Variants in CSMD1 observed in about 807,000 individuals in gnomAD.
CSMD1 encodes the protein CUB and Sushi multiple domains 1.
A neutral mutation model predicts 417.5 loss-of-function variants in CSMD1; 213 were observed. The observed-to-expected ratio is 0.51, with a 90% confidence interval of 0.46 to 0.57. The LOEUF is 0.57. Ranked by LOEUF, CSMD1 falls within the 20% of genes least tolerant of loss-of-function variation. CSMD1 has a pLI of 0.00. For synonymous variants in CSMD1, 2,862 were observed against 1,736.8 expected (o/e 1.65, Z -16.11); for missense variants, 6,923 against 4,529.7 (o/e 1.53, Z -15.17).
chr8:4,255,400 G>T (rs1050156456), intron 3 of CSMD1, among the ~76,000 whole-genome samples: 1 of 152,134 alleles, frequency 6.6e-6, no homozygotes, highest in East Asian at 1.9e-4. Flanking sequence ...TAAAGAGGAC[G>T]CAATATGCAA....
At chr8:3,351,336 C>T (rs936170825) in intron 21 of CSMD1, among the ~76,000 whole-genome samples, 11 of 151,988 alleles carry the variant, frequency 7.2e-5, no homozygotes, top group South Asian at 2.1e-4. Flanking sequence ...CTTGGCCAGG[C>T]GTGGTGACCC....
intron 23 of CSMD1, 108 bp downstream of exon 23, chr8:3,343,186 C>A: frequency 1.1e-6 from 1 of 914,700 alleles, no homozygotes; most frequent in Non-Finnish European, 1.7e-6. Context: ...ATCAAAAACA[C>A]AGTAGGCAGC....
chr8:4,916,115 G>C (rs1033733760), intron 1 of CSMD1, among the ~76,000 whole-genome samples: 1 of 152,186 alleles, frequency 6.6e-6, no homozygotes, highest in Non-Finnish European at 1.5e-5. Flanking sequence ...GCTTCAGCAG[G>C]AGTCTGATGA....
intron 1 of CSMD1, among the ~76,000 whole-genome samples, chr8:4,682,849 C>A (rs1444222280): frequency 6.7e-6 from 1 of 150,072 alleles, no homozygotes; most frequent in African/African-American, 2.4e-5. Flanking sequence ...ATGTTTTTAT[C>A]CAAAGACTAC....
intron 23 of CSMD1, among the ~76,000 whole-genome samples, chr8:3,341,858 G>A (rs1298137646): frequency 6.6e-6 from 1 of 152,062 alleles, no homozygotes; most frequent in Non-Finnish European, 1.5e-5. Context: ...AAGGAAGCGG[G>A]GATGAAGACA....
intron 46 of CSMD1, among the ~76,000 whole-genome samples, chr8:3,103,739 CTTTTT>C (rs35949402): frequency 1.6e-5 from 2 of 124,162 alleles, no homozygotes; most frequent in African/African-American, 5.6e-5. Flanking sequence ...AATCAAATTC[CTTTTT>C]TTTTTAAAAA....
rs967482811 is a variant in CSMD1 at position 4,231,890 on chromosome 8, G to T, written c.415+188063C>A. ...AAACACATCAACTCCTAATACTTGT[G>T]TTTTACTAAAATTTCTGAATCTCAT... On this transcript the variant is annotated intron_variant, in intron 3 of 69. Transcript: ENST00000635120. Among the ~76,000 whole-genome samples, 34 of 151,962 alleles carry T rather than the reference G, an allele frequency of 2.2e-4. 1 individual carries two copies. The highest frequency in any genetic ancestry group is 2.2e-3 in the Admixed American group (34 of 15,240).
chr8:2,940,974 A>C (rs1801831250), intron 69 of CSMD1, among the ~76,000 whole-genome samples: 1 of 152,204 alleles, frequency 6.6e-6, no homozygotes, highest in Non-Finnish European at 1.5e-5. Context: ...TTAAGAAGAG[A>C]AGCTCATCTG....
chr8:3,636,259 C>T (rs992120651), intron 7 of CSMD1, among the ~76,000 whole-genome samples: 19 of 152,162 alleles, frequency 1.2e-4, no homozygotes, highest in Non-Finnish European at 2.6e-4. Flanking sequence ...GACAACGATG[C>T]CTTCTTCTGG....
chr8:4,228,815 C>A (rs1318526250), intron 3 of CSMD1, among the ~76,000 whole-genome samples: 1 of 151,992 alleles, frequency 6.6e-6, no homozygotes, highest in African/African-American at 2.4e-5. Flanking sequence ...TCCCAAGTAG[C>A]TGGGACTTCA....
intron 5 of CSMD1, among the ~76,000 whole-genome samples, chr8:3,764,472 G>C (rs1798164556): frequency 6.6e-6 from 1 of 152,150 alleles, no homozygotes; most frequent in African/African-American, 2.4e-5. Context: ...AGTGAGTAGA[G>C]GCACCCACAA....
rs1563199349 is a variant in CSMD1, at chr8:3,262,186, T to TATATAC, written c.4153+21957_4153+21958insGTATAT. Among the ~76,000 whole-genome samples, 74 of 33,894 alleles carry TATATAC rather than the reference T, an allele frequency of 2.2e-3. 3 individuals are homozygous for TATATAC. Among genetic ancestry groups the TATATAC allele is most frequent in the African/African-American group, 7.5e-3 (65 of 8,704 alleles). 22.2% of individuals were successfully genotyped at this position (33,894 alleles called of 152,430 possible). ...ATTTCTAAAATTATGCTCATATGAA[T>TATATAC]ATATATATATATATATATATATATA... On this transcript the variant is annotated intron_variant, in intron 26 of 69. Coordinates refer to ENST00000635120, the MANE Select transcript of CSMD1 (RefSeq NM_033225.6).
intron 7 of CSMD1, among the ~76,000 whole-genome samples, chr8:3,677,393 C>T (rs1463779721): frequency 6.6e-6 from 1 of 152,092 alleles, no homozygotes; most frequent in Admixed American, 6.5e-5. Context: ...AGAAAACATA[C>T]CCAGTTCAAG....
At chr8:3,534,864 C>A (rs905795761) in intron 10 of CSMD1, among the ~76,000 whole-genome samples, 1 of 152,224 alleles carries the variant, frequency 6.6e-6, no homozygotes, top group Non-Finnish European at 1.5e-5. Context: ...ATGTATTCAT[C>A]AACCATCTGG....
chr8:3,183,947 A>C (rs1013155844), intron 36 of CSMD1, among the ~76,000 whole-genome samples: 1 of 152,170 alleles, frequency 6.6e-6, no homozygotes, highest in Non-Finnish European at 1.5e-5. Context: ...ATCTTTTCCT[A>C]ATTCAATGCA....
At chr8:3,796,598 T>C (rs1421511082) in intron 5 of CSMD1, among the ~76,000 whole-genome samples, 1 of 147,228 alleles carries the variant, frequency 6.8e-6, no homozygotes, top group Admixed American at 6.9e-5. Context: ...TAGATATATA[T>C]CTATAATGTA....
chr8:4,367,517 G>A (rs1802149436), intron 3 of CSMD1, among the ~76,000 whole-genome samples: 1 of 152,068 alleles, frequency 6.6e-6, no homozygotes. Flanking sequence ...TGTTCCTTTT[G>A]CTCAGGACTG....
chr8:3,285,161 G>C (rs1027043511), intron 25 of CSMD1, among the ~76,000 whole-genome samples: 1 of 152,138 alleles, frequency 6.6e-6, no homozygotes, highest in Non-Finnish European at 1.5e-5. Context: ...CCGATTACAA[G>C]GGAGGTAAAG....
intron 7 of CSMD1, among the ~76,000 whole-genome samples, chr8:3,707,598 G>A (rs1384409389): frequency 1.3e-5 from 2 of 152,218 alleles, no homozygotes; most frequent in African/African-American, 4.8e-5. Context: ...CCTCAGTGAA[G>A]CTGGTACCCA....
Sources: allele counts gnomAD v4.1 joint callset (sites outside exome capture counted in the v4.1 genomes callset), GRCh38; gene constraint gnomAD v4.1.1; transcripts MANE v1.5; gene names NCBI Gene and HGNC (gene_info 2026-07-23, HGNC 2026-07-21).